ASIP: variants seen among roughly 807,000 people sequenced by gnomAD.
ASIP encodes agouti signaling protein, also known as agouti-signaling protein.
ASIP carries 11 observed loss-of-function variants against 10.3 expected under a neutral mutation model. That is an observed-to-expected ratio of 1.07 (90% CI 0.68 to 1.78). The LOEUF (loss-of-function observed/expected upper bound fraction) is 1.78. ASIP is among the 40% of genes most tolerant of loss of function. The pLI is 0.00. For synonymous variants in ASIP, 70 were observed against 70.8 expected, an observed-to-expected ratio of 0.99 and a Z score of 0.06; for missense variants, 180 against 169.2, an observed-to-expected ratio of 1.06 and a Z score of -0.35.
At chr20:34,215,870 C>T (rs1264570449) in intron 1 of ASIP, 2 of 1,099,554 alleles carry the variant, frequency 1.8e-6, no homozygotes, top group African/African-American at 1.5e-5. Flanking sequence ...TGGATTTAGC[C>T]CTAATAGAGC....
intron 1 of ASIP, among the ~76,000 whole-genome samples, chr20:34,207,572 T>G (rs1050775968): frequency 1.3e-5 from 2 of 152,210 alleles, no homozygotes; most frequent in East Asian, 3.8e-4. Context: ...TGCTTGTGCT[T>G]TTGAGGTCTT....
At chr20:34,221,788 T>C (rs2035049542) in intron 1 of ASIP, among the ~76,000 whole-genome samples, 1 of 151,926 alleles carries the variant, frequency 6.6e-6, no homozygotes, top group Non-Finnish European at 1.5e-5. Context: ...GCGGAAGGAA[T>C]AGAAAGAAAA....
At chr20:34,266,502 G>A (rs1411921249) in intron 3 of ASIP, among the ~76,000 whole-genome samples, 5 of 151,752 alleles carry the variant, frequency 3.3e-5, no homozygotes, top group Non-Finnish European at 5.9e-5. Flanking sequence ...GTGAAACCCC[G>A]TCTCTACTAA....
intron 1 of ASIP, chr20:34,246,442 A>T: frequency 7.1e-7 from 1 of 1,399,292 alleles, no homozygotes. Context: ...AACAGACTCC[A>T]CAATAAAGGA....
chr20:34,201,687 A>AT (rs2034900968), intron 1 of ASIP, among the ~76,000 whole-genome samples: 1 of 151,976 alleles, frequency 6.6e-6, no homozygotes, highest in African/African-American at 2.4e-5. Context: ...ACCAAAGAGG[A>AT]TTTTTTTTCT....
chr20:34,202,958 G>A (rs1008238084), intron 1 of ASIP, among the ~76,000 whole-genome samples: 4 of 151,826 alleles, frequency 2.6e-5, no homozygotes, highest in African/African-American at 7.2e-5. Flanking sequence ...ACAGGCGCCC[G>A]CCACTACGCC....
intron 1 of ASIP, among the ~76,000 whole-genome samples, chr20:34,258,688 T>TAC (rs1555826908): frequency 3.0e-5 from 2 of 66,574 alleles, no homozygotes; most frequent in Admixed American, 2.1e-4. Context: ...TATATATATA[T>TAC]ATACATACTA....
rs1342979526 is a variant in ASIP, at chr20:34,269,034, T to G, written c.266T>G (p.Leu89Arg). The G allele has an allele frequency of 6.2e-7, 1 of 1,607,576 alleles. No individual in the cohort carries two copies. The change falls in exon 4 of 4, where the codon CTA (leucine) becomes CGA (arginine). Residue 89 changes from leucine (L) to arginine (R), a missense_variant. Leu to Arg is a moderately radical substitution (Grantham distance 102, BLOSUM62 -2). Coordinates refer to ENST00000374954, the MANE Select transcript of ASIP (RefSeq NM_001672.3). ...MKKVVRPRTP[L>R]SAPCVATRNS... ...AAAGTGGTGCGGCCCCGGACCCCCC[T>G]ATCTGCGCCCTGCGTGGCCACCCGC...
intron 1 of ASIP, among the ~76,000 whole-genome samples, chr20:34,258,326 T>C (rs2035608772): frequency 6.7e-6 from 1 of 149,692 alleles, no homozygotes; most frequent in African/African-American, 2.5e-5. Context: ...GTGGAACACA[T>C]AGGGTCTCCG....
intron 1 of ASIP, among the ~76,000 whole-genome samples, chr20:34,259,124 G>A (rs889695028): frequency 6.6e-6 from 1 of 151,438 alleles, no homozygotes; most frequent in African/African-American, 2.4e-5. Context: ...GTGGGAGGAT[G>A]GCTTGAGCCT....
chr20:34,206,030 T>A (rs2034934378), intron 1 of ASIP, among the ~76,000 whole-genome samples: 1 of 152,198 alleles, frequency 6.6e-6, no homozygotes, highest in Admixed American at 6.5e-5. Context: ...TCTTGCTCTG[T>A]CACCCAGGCT....
intron 1 of ASIP, among the ~76,000 whole-genome samples, chr20:34,222,685 C>T (rs532595280): frequency 2.6e-5 from 4 of 151,584 alleles, no homozygotes; most frequent in Non-Finnish European, 4.4e-5. Flanking sequence ...CCCTCTCATG[C>T]GGAGCTGAAG....
chr20:34,214,719 C>A (rs951120572), intron 1 of ASIP: 3 of 1,135,826 alleles, frequency 2.6e-6, no homozygotes, highest in Admixed American at 3.4e-5. Flanking sequence ...CATCATAAGT[C>A]AATTTTTTCA....
At chr20:34,214,665 A>G (rs1164880153) in intron 1 of ASIP, 29 of 1,083,468 alleles carry the variant, frequency 2.7e-5, no homozygotes, top group Admixed American at 1.0e-4. Context: ...TATATTCTAC[A>G]AACATGGCTT....
At chr20:34,188,139 T>C in the ASIP span, among the ~76,000 whole-genome samples, 1 of 152,242 alleles carries the variant, frequency 6.6e-6, no homozygotes, top group Admixed American at 6.5e-5. Context: ...ATTGAGCATA[T>C]TTATGTGTGC....
upstream of ASIP, among the ~76,000 whole-genome samples, chr20:34,237,944 T>C (rs2035232499): frequency 2.6e-5 from 4 of 152,218 alleles, no homozygotes; most frequent in South Asian, 6.2e-4. Context: ...AGTTTTTTTC[T>C]TTCAGAACTT....
chr20:34,238,349 TA>T (rs1030647313), upstream of ASIP, among the ~76,000 whole-genome samples: 1 of 152,174 alleles, frequency 6.6e-6, no homozygotes, highest in African/African-American at 2.4e-5. Context: ...TCTCCAATCT[TA>T]TTTATGTTCC....
At chr20:34,196,530 G>C (rs2034858517) in intron 1 of ASIP, among the ~76,000 whole-genome samples, 1 of 152,138 alleles carries the variant, frequency 6.6e-6, no homozygotes, top group African/African-American at 2.4e-5. Flanking sequence ...TCTGGGAGGA[G>C]ATGCGGGCGG....
At position 34,235,899 on chromosome 20, in the gene ASIP, A is replaced by AGGAGGGAGGGAAGAATG. The variant is rs2035193130; in HGVS notation, c.-10-24466_-10-24465insGGAGGGAGGGAAGAATG. ...GAAGGAAGGAAGGAAGGAAGGAAGGAAAGGAAGGAAGGAAGGAAGGAAGGA... is the reference window on the plus strand; with the variant it reads ...GAAGGAAGGAAGGAAGGAAGGAAGGAGGAGGGAGGGAAGAATGAAGGAAGGAAGGAAGGAAGGAAGGA... On this transcript the variant is annotated intron_variant, in intron 1 of 3. Transcript: ENST00000568305. Among the ~76,000 whole-genome samples the AGGAGGGAGGGAAGAATG allele has an allele frequency of 5.4e-4, 35 of 64,608 alleles. 3 individuals are homozygous for AGGAGGGAGGGAAGAATG. The highest frequency in any genetic ancestry group is 2.0e-3 in the African/African-American group (8 of 3,986). 42.4% of individuals were successfully genotyped at this position (64,608 alleles called of 152,430 possible).
Sources: allele counts gnomAD v4.1 joint callset (sites outside exome capture counted in the v4.1 genomes callset), GRCh38; gene constraint gnomAD v4.1.1; transcripts MANE v1.5; gene names NCBI Gene and HGNC (gene_info 2026-07-23, HGNC 2026-07-21).